OSBPL2: variants seen among roughly 807,000 people sequenced by gnomAD.
OSBPL2 encodes the protein oxysterol-binding protein-related protein 2.
A neutral mutation model predicts 58.4 loss-of-function variants in OSBPL2; 18 were observed. That is an observed-to-expected ratio of 0.31 (90% CI 0.21 to 0.46). The LOEUF (loss-of-function observed/expected upper bound fraction) is 0.46. Ranked by LOEUF, OSBPL2 falls within the 20% of genes least tolerant of loss-of-function variation. OSBPL2 has a pLI of 1.00. For missense variants in OSBPL2, 461 were observed against 616.5 expected (o/e 0.75, Z 2.67); for synonymous variants, 221 against 234.1 (o/e 0.94, Z 0.51).
intron 2 of OSBPL2, among the ~76,000 whole-genome samples, 200 bp downstream of exon 2, chr20:62,256,421 G>A (rs1354253793): frequency 6.6e-6 from 1 of 152,090 alleles, no homozygotes; most frequent in Non-Finnish European, 1.5e-5. Flanking sequence ...TGGCTGACAG[G>A]GTTTAAGTCT....
intron 1 of OSBPL2, among the ~76,000 whole-genome samples, chr20:62,239,908 A>T (rs369534517): frequency 6.6e-6 from 1 of 152,172 alleles, no homozygotes; most frequent in South Asian, 2.1e-4. Flanking sequence ...GCTGGAGTGC[A>T]GTGGTGCGAT....
chr20:62,276,986 C>T (rs186052845), intron 6 of OSBPL2, among the ~76,000 whole-genome samples: 176 of 151,776 alleles, frequency 1.2e-3, no homozygotes, highest in African/African-American at 4.1e-3. Context: ...TGGTGGCTCA[C>T]GCCTGTAATC....
chr20:62,294,188 TC>T lies in OSBPL2; in HGVS notation c.*303del. 2.2e-6 allele frequency: 1 copy of T among 458,266 alleles called. No individual in the cohort carries two copies. Among genetic ancestry groups the T allele is most frequent in the Non-Finnish European group, 3.9e-6 (1 of 258,682 alleles). The allele number at this position is 458,266 out of a possible 1,614,324, so 28.4% of individuals were successfully genotyped here. A position where few individuals can be genotyped will look rare whatever the true frequency, so the allele number is the denominator to read the frequency against. ...GAAATCAGCTGGGGCTTGTTTAGCTTCCAGCACACTCTCAGTCATAGCATGT... is the reference window on the plus strand; with the variant it reads ...GAAATCAGCTGGGGCTTGTTTAGCTTCAGCACACTCTCAGTCATAGCATGT... On this transcript the variant is annotated 3_prime_UTR_variant, in exon 14 of 14. Coordinates refer to ENST00000313733, the MANE Select transcript of OSBPL2 (RefSeq NM_144498.4).
At chr20:62,257,624 C>G (rs1353311282) in intron 2 of OSBPL2, among the ~76,000 whole-genome samples, 1 of 152,002 alleles carries the variant, frequency 6.6e-6, no homozygotes, top group Non-Finnish European at 1.5e-5. Flanking sequence ...AGAGCGCAGC[C>G]TTGAGGTCCC....
At chr20:62,271,713 G>A (rs1982073018) in intron 4 of OSBPL2, 1 of 182,578 alleles carries the variant, frequency 5.5e-6, no homozygotes, top group African/African-American at 2.4e-5. Context: ...CGGCCTCCCA[G>A]GGTGCTTGGA....
chr20:62,280,719 C>T (rs778643593), intron 7 of OSBPL2, among the ~76,000 whole-genome samples: 7 of 152,228 alleles, frequency 4.6e-5, no homozygotes, highest in Non-Finnish European at 8.8e-5. Flanking sequence ...GCCGCATGCC[C>T]AGGACCCTGC....
intron 4 of OSBPL2, among the ~76,000 whole-genome samples, chr20:62,271,173 C>CT (rs2145949930): frequency 6.6e-6 from 1 of 152,254 alleles, no homozygotes; most frequent in East Asian, 1.9e-4. Context: ...CTTGGGATCC[C>CT]TTTCCTGGAA....
intron 1 of OSBPL2, among the ~76,000 whole-genome samples, chr20:62,246,898 C>G (rs1262115744): frequency 2.6e-5 from 4 of 152,224 alleles, no homozygotes; most frequent in African/African-American, 4.8e-5. Flanking sequence ...TGTCCTTAAA[C>G]TTTGTGACTC....
At chr20:62,261,703 T>A (rs1387818239) in intron 3 of OSBPL2, among the ~76,000 whole-genome samples, 1 of 152,232 alleles carries the variant, frequency 6.6e-6, no homozygotes, top group Non-Finnish European at 1.5e-5. Flanking sequence ...CACCCTTGTT[T>A]CCAGAGTGGC....
At chr20:62,284,837 TC>T (rs1485348319) in intron 10 of OSBPL2, 1 of 152,274 alleles carries the variant, frequency 6.6e-6, no homozygotes, top group Admixed American at 6.5e-5. Context: ...TCTGGGTCCT[TC>T]TTAATAAATC....
chr20:62,284,262 G>T, intron 10 of OSBPL2, 93 bp downstream of exon 10: 1 of 1,461,684 alleles, frequency 6.8e-7, no homozygotes. Flanking sequence ...TGGGGTCCCA[G>T]GGAACCTTTG....
rs986531216 is a variant in OSBPL2 at position 62,269,961 on chromosome 20, C to T, written c.259-2164C>T. Among the ~76,000 whole-genome samples the T allele has an allele frequency of 6.6e-6, 1 of 152,256 alleles. No homozygotes were observed. Among genetic ancestry groups the T allele is most frequent in the Non-Finnish European group, 1.5e-5 (1 of 68,034 alleles). ...TGCTCGCCCCTGCAGCAGCCTGAGC[C>T]GCAGGCTCTGTGCGTCTGCCCTGTG... On this transcript the variant is annotated intron_variant, in intron 4 of 13. Transcript: ENST00000313733. This position sits in a 1 kb window ranked among gnomAD's most constrained non-coding sequence, Gnocchi z 4.2.
chr20:62,254,097 C>T (rs543952693), intron 1 of OSBPL2, among the ~76,000 whole-genome samples: 33 of 152,270 alleles, frequency 2.2e-4, no homozygotes, highest in African/African-American at 7.5e-4. Context: ...CACGCCCGGC[C>T]GACTCACCCT....
chr20:62,271,963 G>A (rs1484574101), intron 4 of OSBPL2, among the ~76,000 whole-genome samples, 162 bp from the exon 5 acceptor site: 4 of 152,196 alleles, frequency 2.6e-5, no homozygotes, highest in Non-Finnish European at 5.9e-5. Context: ...TCACAGGGCA[G>A]GGCCGATGGG....
At chr20:62,283,553 A>G (rs1982920127) in intron 9 of OSBPL2, among the ~76,000 whole-genome samples, 1 of 152,212 alleles carries the variant, frequency 6.6e-6, no homozygotes, top group African/African-American at 2.4e-5. Context: ...GCGGGGAACC[A>G]AAGATCAAGC....
Position 62,291,369 on chromosome 20 carries a change from C to T in OSBPL2, c.1250-334C>T, listed in dbSNP as rs182658811. The T allele has an allele frequency of 1.2e-3, 450 of 380,960 alleles. 2 individuals carry two copies. The highest frequency in any genetic ancestry group is 9.1e-3 in the African/African-American group (434 of 47,856). The allele number at this position is 380,960 out of a possible 1,614,324, so 23.6% of individuals were successfully genotyped here. ...GGTGGGGCTGGCTCCCCGTCCTGAG[C>T]GCCTGCTCGCACACCAGGGCATTGG... On this transcript the variant is annotated intron_variant, in intron 12 of 13. Transcript: ENST00000313733.
At chr20:62,243,642 G>A (rs1568821456) in intron 1 of OSBPL2, among the ~76,000 whole-genome samples, 2 of 152,218 alleles carry the variant, frequency 1.3e-5, no homozygotes, top group South Asian at 4.1e-4. Context: ...CCCGGGAGGG[G>A]CCCAGGAAGA....
chr20:62,289,797 A>G (rs1420246682), intron 12 of OSBPL2, among the ~76,000 whole-genome samples: 3 of 151,964 alleles, frequency 2.0e-5, no homozygotes, highest in Non-Finnish European at 2.9e-5. Context: ...CCCAGCTTCT[A>G]GGGAGGCTGA....
chr20:62,257,519 G>A (rs1453423085), intron 2 of OSBPL2, among the ~76,000 whole-genome samples: 2 of 152,128 alleles, frequency 1.3e-5, no homozygotes, highest in African/African-American at 4.8e-5. Flanking sequence ...ATCCATGGTG[G>A]TTCTGTGTTC....
Sources: allele counts gnomAD v4.1 joint callset (sites outside exome capture counted in the v4.1 genomes callset), GRCh38; gene constraint gnomAD v4.1.1; non-coding constraint Gnocchi (gnomAD v3.1); transcripts MANE v1.5; gene names NCBI Gene and HGNC (gene_info 2026-07-23, HGNC 2026-07-21).